PALM2AKAP2: variants seen among roughly 807,000 people sequenced by gnomAD.
PALM2AKAP2 encodes PALM2 and AKAP2 fusion, also known as PALM2-AKAP2 fusion protein.
Under a neutral mutation model 71.5 loss-of-function variants are expected in PALM2AKAP2, and 37 were observed. The ratio of observed to expected loss-of-function variants is 0.52; its 90% confidence interval spans 0.40 to 0.68. The LOEUF is 0.68. PALM2AKAP2 is among the 30% of genes least tolerant of loss of function. The probability of loss-of-function intolerance (pLI) is 0.00; values close to 1 mark genes in which losing one functional copy is unlikely to be tolerated. For missense variants in PALM2AKAP2, 1,224 were observed against 1,191.8 expected (o/e 1.03, Z -0.40); for synonymous variants, 468 against 478.8 (o/e 0.98, Z 0.29).
intron 1 of PALM2AKAP2, among the ~76,000 whole-genome samples, chr9:109,698,921 G>A (rs1170436693): frequency 6.6e-6 from 1 of 152,158 alleles, no homozygotes; most frequent in Non-Finnish European, 1.5e-5. Flanking sequence ...ACAAAAAGGA[G>A]AGGGGGAAAA....
In PALM2AKAP2 at chr9:110,016,054, TC is replaced by T; in HGVS notation, c.582+16del. ...TGACTATCAAGGTAAGGGATTCTCT[TC>T]AGGTTGATTCTCAAAGTGTATCTCT... is the stretch of plus-strand genomic sequence containing the variant. On this transcript the variant is annotated intron_variant, in intron 7 of 9. Transcript: ENST00000302798. 6.2e-7 allele frequency: 1 copy of T among 1,610,484 alleles called. No individual in the cohort carries two copies. Among genetic ancestry groups the T allele is most frequent in the Non-Finnish European group, 8.5e-7 (1 of 1,177,072 alleles).
intron 1 of PALM2AKAP2, among the ~76,000 whole-genome samples, chr9:109,740,599 G>A (rs951090847): frequency 6.6e-6 from 1 of 152,136 alleles, no homozygotes; most frequent in Non-Finnish European, 1.5e-5. Flanking sequence ...TAGAAGACGA[G>A]GTCTGGGGAG....
intron 1 of PALM2AKAP2, among the ~76,000 whole-genome samples, chr9:109,821,811 G>A (rs769787301): frequency 9.9e-5 from 15 of 152,168 alleles, no homozygotes; most frequent in Non-Finnish European, 1.5e-4. Flanking sequence ...GCCTCATGGG[G>A]AGCCCATTCT....
At chr9:110,160,821 G>A (rs994464551) in intron 3 of PALM2AKAP2, among the ~76,000 whole-genome samples, 43 of 152,138 alleles carry the variant, frequency 2.8e-4, no homozygotes, top group African/African-American at 1.0e-3. Flanking sequence ...GCCCTCAGTG[G>A]GGTTTTCCAG....
intron 1 of PALM2AKAP2, among the ~76,000 whole-genome samples, chr9:110,068,260 GTTTTTCTGTTC>G (rs1278327973): frequency 6.7e-6 from 1 of 149,830 alleles, no homozygotes; most frequent in Non-Finnish European, 1.5e-5. Context: ...GGCTGATTTT[GTTTTTCTGTTC>G]TTTTTCTGTT....
At chr9:109,746,962 A>G (rs1470617718) in intron 1 of PALM2AKAP2, among the ~76,000 whole-genome samples, 1 of 152,196 alleles carries the variant, frequency 6.6e-6, no homozygotes, top group Non-Finnish European at 1.5e-5. Context: ...AACATGAGAA[A>G]GGCATGGAGT....
At chr9:109,888,561 T>A (rs1232771514) in intron 3 of PALM2AKAP2, among the ~76,000 whole-genome samples, 3 of 151,834 alleles carry the variant, frequency 2.0e-5, no homozygotes, top group Admixed American at 1.3e-4. Context: ...ATACAAAAAA[T>A]TAGCCAGGCG....
chr9:109,884,595 C>A (rs1170701760), intron 3 of PALM2AKAP2, among the ~76,000 whole-genome samples: 1 of 152,132 alleles, frequency 6.6e-6, no homozygotes, highest in Non-Finnish European at 1.5e-5. Context: ...TAATAGGAAT[C>A]TTGAAAACTA....
chr9:110,131,210 T>C (rs1835727204), intron 1 of PALM2AKAP2, among the ~76,000 whole-genome samples: 1 of 63,604 alleles, frequency 1.6e-5, no homozygotes, highest in Non-Finnish European at 3.2e-5. Context: ...TTAACTATTC[T>C]AGAATTTAGT....
chr9:110,152,443 C>G (rs1836342833), intron 2 of PALM2AKAP2, among the ~76,000 whole-genome samples: 1 of 152,102 alleles, frequency 6.6e-6, no homozygotes. Context: ...GAGATGCACA[C>G]TGGATCAGTG....
chr9:110,136,917 G>A lies in PALM2AKAP2; in HGVS notation c.947G>A (p.Arg316His), dbSNP rs1314066815. 13 of 1,614,142 alleles carry A rather than the reference G, an allele frequency of 8.1e-6. No homozygotes were observed. The highest frequency in any genetic ancestry group is 2.2e-5 in the South Asian group (2 of 91,078). ...GAAAAGGAGAGGAGAGAGCTCATCC[G>A]CAGCCAGGCCGTCAAGAAGAATCCT... Residue 316 changes from arginine (R) to histidine (H), a missense_variant, in exon 2 of 4, where the codon CGC becomes CAC. Transcript: ENST00000374525.
At chr9:109,804,759 T>G (rs1247836932) in intron 1 of PALM2AKAP2, among the ~76,000 whole-genome samples, 1 of 152,188 alleles carries the variant, frequency 6.6e-6, no homozygotes, top group East Asian at 1.9e-4. Context: ...TTATTTTTAA[T>G]AATATTTTCT....
intron 1 of PALM2AKAP2, among the ~76,000 whole-genome samples, chr9:109,809,741 A>G (rs901551902): frequency 2.0e-5 from 3 of 152,344 alleles, no homozygotes; most frequent in African/African-American, 7.2e-5. Context: ...CCTAAATCTC[A>G]TCTTGAATTG....
chr9:109,655,616 C>A (rs1424940125), intron 1 of PALM2AKAP2, among the ~76,000 whole-genome samples: 2 of 151,834 alleles, frequency 1.3e-5, no homozygotes, highest in African/African-American at 2.4e-5. Flanking sequence ...CCACCCCCTA[C>A]CCCCCATTCT....
upstream of PALM2AKAP2, chr9:109,780,306 G>A: frequency 1.5e-6 from 2 of 1,338,096 alleles, no homozygotes; most frequent in Non-Finnish European, 1.9e-6. Context: ...GCCAGAGGCT[G>A]AGCCCGGGCG....
chr9:109,696,003 T>C (rs925164779), intron 1 of PALM2AKAP2, among the ~76,000 whole-genome samples: 1 of 152,134 alleles, frequency 6.6e-6, no homozygotes, highest in African/African-American at 2.4e-5. Context: ...TCCAAATAAC[T>C]GGAAGAGAAG....
chr9:110,080,935 C>T (rs1834435840), intron 1 of PALM2AKAP2, among the ~76,000 whole-genome samples: 1 of 152,214 alleles, frequency 6.6e-6, no homozygotes, highest in African/African-American at 2.4e-5. Flanking sequence ...CCGCCTTGGG[C>T]CTCCCAAAGT....
intron 1 of PALM2AKAP2, among the ~76,000 whole-genome samples, chr9:109,735,286 C>T (rs149111628): frequency 4.4e-4 from 66 of 151,110 alleles, no homozygotes; most frequent in African/African-American, 1.5e-3. Flanking sequence ...GAGCTTTTGG[C>T]CCACCATCTT....
At chr9:109,946,162 G>A (rs1414624377) in intron 6 of PALM2AKAP2, 1 of 152,164 alleles carries the variant, frequency 6.6e-6, no homozygotes, top group Non-Finnish European at 1.5e-5. Context: ...CCCACCTATA[G>A]CAGCAAGTAA....
Sources: gnomAD v4.1 joint callset for allele counts (sites outside exome capture counted in the v4.1 genomes callset) on GRCh38, gnomAD v4.1.1 for gene constraint, MANE v1.5 for transcripts, NCBI Gene and HGNC (gene_info 2026-07-23, HGNC 2026-07-21) for gene names.